The following IFTAP variants were observed in gnomAD, a reference collection of about 807,000 sequenced individuals.
IFTAP encodes intraflagellar transport-associated protein.
IFTAP carries 19 observed loss-of-function variants against 19.4 expected under a neutral mutation model. The ratio of observed to expected loss-of-function variants is 0.98; its 90% CI spans 0.68 to 1.44. IFTAP has a LOEUF of 1.44. Ranked by LOEUF, IFTAP falls within the 40% of genes most tolerant of loss-of-function variation. The pLI is 0.00. For missense variants in IFTAP, 240 were observed against 253.6 expected, an observed-to-expected ratio of 0.95 and a Z score of 0.36; for synonymous variants, 85 against 83.5, an observed-to-expected ratio of 1.02 and a Z score of -0.10.
In IFTAP at chr11:36,610,206, G is replaced by A; in HGVS notation, c.103G>A (p.Glu35Lys). The change falls in exon 2 of 6, where the codon GAA (glutamate) becomes AAA (lysine). Residue 35 changes from glutamate to lysine, a missense_variant. By Grantham distance (56) the Glu-to-Lys change is moderately conservative. Transcript: ENST00000334307. ...LNCHEQTYDE[E>K]FLNTFTHLSQ... The stretch of plus-strand genomic sequence containing the variant: ...TTGTCATGAGCAAACATATGATGAA[G>A]AATTTCTGAACACTTTTACTCATCT... The A allele has an allele frequency of 1.9e-6, 3 of 1,610,192 alleles. No homozygotes were observed. The highest frequency in any genetic ancestry group is 2.5e-6 in the Non-Finnish European group (3 of 1,176,840).
chr11:36,604,765 A>C (rs1359182827), intron 1 of IFTAP, among the ~76,000 whole-genome samples: 1 of 152,126 alleles, frequency 6.6e-6, no homozygotes, highest in East Asian at 1.9e-4. Context: ...GCTCATCAAT[A>C]GAGTCATTAG....
intron 5 of IFTAP, among the ~76,000 whole-genome samples, chr11:36,650,015 T>C (rs555880537): frequency 1.3e-5 from 2 of 152,212 alleles, no homozygotes; most frequent in South Asian, 4.1e-4. Context: ...GATGCTCAAC[T>C]CGTATATATT....
chr11:36,659,037 C>T lies in IFTAP; in HGVS notation c.517C>T (p.Gln173Ter), dbSNP rs1345572787. Residue 173 changes from glutamine (Q) to a stop codon, truncating the protein, a stop_gained, in exon 6 of 6, where the codon CAA becomes TAA. Coordinates refer to ENST00000334307, the MANE Select transcript of IFTAP (RefSeq NM_138787.4). LOFTEE classifies it low-confidence loss of function (END_TRUNC). ...QTEEILGDEV[Q>*]LFSLDEEFDY... ...TTTATAGATACTTGGAGATGAAGTT[C>T]AACTTTTTTCACTTGATGAAGAATT... The T allele has an allele frequency of 3.1e-6, 5 of 1,597,246 alleles. No homozygotes were observed. Among genetic ancestry groups the T allele is most frequent in the African/African-American group, 1.3e-5 (1 of 74,200 alleles).
At chr11:36,656,501 C>T (rs1038904660) in intron 5 of IFTAP, among the ~76,000 whole-genome samples, 2 of 151,846 alleles carry the variant, frequency 1.3e-5, no homozygotes, top group African/African-American at 2.4e-5. Flanking sequence ...ACCTGGGAGG[C>T]GGAGGTTGCA....
intron 5 of IFTAP, among the ~76,000 whole-genome samples, chr11:36,651,957 C>T (rs886226024): frequency 1.3e-5 from 2 of 152,108 alleles, no homozygotes; most frequent in Non-Finnish European, 2.9e-5. Context: ...TTACTGTAGC[C>T]TTGTAGTATA....
chr11:36,600,772 G>C (rs907251297), intron 1 of IFTAP, among the ~76,000 whole-genome samples: 1 of 152,126 alleles, frequency 6.6e-6, no homozygotes, highest in African/African-American at 2.4e-5. Context: ...CCTTGAGGCA[G>C]AGTAAAACAG....
At chr11:36,639,170 T>C (rs2133476084) in intron 4 of IFTAP, among the ~76,000 whole-genome samples, 1 of 152,256 alleles carries the variant, frequency 6.6e-6, no homozygotes, top group Non-Finnish European at 1.5e-5. Context: ...AATAGGAAGA[T>C]TTTCTGTTCA....
intron 5 of IFTAP, among the ~76,000 whole-genome samples, chr11:36,649,178 T>G (rs570559589): frequency 6.6e-6 from 1 of 152,114 alleles, no homozygotes; most frequent in Non-Finnish European, 1.5e-5. Flanking sequence ...AGATATTCTG[T>G]TATAGAATTA....
At chr11:36,632,077 A>G (rs1852750548) in intron 2 of IFTAP, among the ~76,000 whole-genome samples, 2 of 150,726 alleles carry the variant, frequency 1.3e-5, no homozygotes, top group African/African-American at 5.0e-5. Flanking sequence ...TCAGATCCCC[A>G]CTCTGCTACT....
chr11:36,598,229 A>ATT (rs1851361037), intron 1 of IFTAP: 2 of 152,016 alleles, frequency 1.3e-5, no homozygotes, highest in African/African-American at 4.8e-5. Flanking sequence ...GCTGACTGTA[A>ATT]AGAGAGTGTG....
intron 2 of IFTAP, among the ~76,000 whole-genome samples, chr11:36,611,761 G>A (rs1339287562): frequency 1.3e-5 from 2 of 152,044 alleles, no homozygotes; most frequent in African/African-American, 2.4e-5. Flanking sequence ...GACGCTGACT[G>A]TGAATGATCT....
chr11:36,608,208 A>G (rs148402758), intron 1 of IFTAP, among the ~76,000 whole-genome samples: 162 of 152,344 alleles, frequency 1.1e-3, no homozygotes, highest in Non-Finnish European at 1.8e-3. Context: ...TTAGAAGTAT[A>G]TTCTTTAGAC....
At chr11:36,622,543 AC>A (rs1852340030) in intron 2 of IFTAP, among the ~76,000 whole-genome samples, 1 of 152,114 alleles carries the variant, frequency 6.6e-6, no homozygotes, top group Non-Finnish European at 1.5e-5. Context: ...AGACCTGGGT[AC>A]TAGTCCAGGC....
At chr11:36,648,573 G>A (rs1036627630) in intron 5 of IFTAP, among the ~76,000 whole-genome samples, 5 of 152,178 alleles carry the variant, frequency 3.3e-5, no homozygotes, top group African/African-American at 4.8e-5. Context: ...GCTGAAAAGA[G>A]ATAGATGTTT....
At chr11:36,640,582 A>G (rs1025221561) in intron 4 of IFTAP, among the ~76,000 whole-genome samples, 2 of 152,134 alleles carry the variant, frequency 1.3e-5, no homozygotes, top group African/African-American at 2.4e-5. Flanking sequence ...CTGACAAACT[A>G]TATTTCTCAA....
intron 2 of IFTAP, among the ~76,000 whole-genome samples, chr11:36,630,694 T>C (rs952869000): frequency 2.0e-5 from 3 of 151,384 alleles, no homozygotes; most frequent in African/African-American, 7.4e-5. Context: ...GACATTGCTG[T>C]GCTTTTCAAG....
chr11:36,635,970 G>T, intron 3 of IFTAP, 81 bp from the exon 4 acceptor site: 1 of 872,150 alleles, frequency 1.1e-6, no homozygotes. Context: ...TAGGTGTTGT[G>T]GAAGTGGATT....
In IFTAP at chr11:36,614,126, A is replaced by T. The variant is rs377746921; in HGVS notation, c.136+3887A>T. 2.0e-4 allele frequency among the ~76,000 whole-genome samples: 28 copies of T among 143,342 alleles called. No homozygotes were observed. In the East Asian group the frequency reaches 3.3e-3, roughly 17 times the overall value. The allele number at this position is 143,342 out of a possible 152,430, so 94.0% of individuals were successfully genotyped here. A position where few individuals can be genotyped will look rare whatever the true frequency, so the allele number is the denominator to read the frequency against. On this transcript the variant is annotated intron_variant, in intron 2 of 5. Coordinates refer to ENST00000334307, the MANE Select transcript of IFTAP (RefSeq NM_138787.4). ...ATATTCCCCTTCCTGTGTCCATGTG[A>T]TCTCATTGTTCAATTCCCACCTATG...
At chr11:36,648,302 C>G (rs1853574563) in intron 5 of IFTAP, 147 bp downstream of exon 5, 1 of 933,066 alleles carries the variant, frequency 1.1e-6, no homozygotes, top group Non-Finnish European at 1.6e-6. Flanking sequence ...TCACAGCCAT[C>G]TATCTCAAAT....
Sources: gnomAD v4.1 joint callset for allele counts (sites outside exome capture counted in the v4.1 genomes callset) on GRCh38, gnomAD v4.1.1 for gene constraint, MANE v1.5 for transcripts, NCBI Gene and HGNC (gene_info 2026-07-23, HGNC 2026-07-21) for gene names.